The following CPLANE1 variants were observed in gnomAD, a reference collection of about 807,000 sequenced individuals.
The protein encoded by CPLANE1 is ciliogenesis and planar polarity effector complex subunit 1, also known as ciliogenesis and planar polarity effector 1.
CPLANE1 carries 263 observed loss-of-function variants against 362.5 expected under a neutral mutation model. That is an observed-to-expected ratio of 0.73 (90% CI 0.66 to 0.80). The LOEUF (loss-of-function observed/expected upper bound fraction) is 0.80. CPLANE1 is among the 30% of genes least tolerant of loss of function. The pLI is 0.00. For missense variants in CPLANE1, 3,461 were observed against 3,793.4 expected (o/e 0.91, Z 2.30); for synonymous variants, 1,212 against 1,302.6 (o/e 0.93, Z 1.50).
chr5:37,145,451 A>G (rs901965127), intron 43 of CPLANE1, among the ~76,000 whole-genome samples: 103 of 152,224 alleles, frequency 6.8e-4, no homozygotes, highest in African/African-American at 2.4e-3. Context: ...ACGGTGTCTC[A>G]CTATGTTGCT....
intron 43 of CPLANE1, among the ~76,000 whole-genome samples, chr5:37,146,454 G>A (rs1771616363): frequency 6.6e-6 from 1 of 152,198 alleles, no homozygotes; most frequent in Non-Finnish European, 1.5e-5. Context: ...TGGGATTACA[G>A]GTGTGAGCCA....
chr5:37,239,057 T>C (rs1799689435), intron 7 of CPLANE1, 97 bp from the exon 8 acceptor site: 1 of 586,482 alleles, frequency 1.7e-6, no homozygotes, highest in Non-Finnish European at 2.8e-6. Flanking sequence ...ATTATATTAA[T>C]AAACTATCTA....
At chr5:37,087,986 C>A in the CPLANE1 span, among the ~76,000 whole-genome samples, 1 of 152,164 alleles carries the variant, frequency 6.6e-6, no homozygotes, top group African/African-American at 2.4e-5. Flanking sequence ...AGGTGGCCGG[C>A]CAAGACATAA....
rs35522666 is a variant in CPLANE1 at position 37,154,459 on chromosome 5, C to CTTTTTTTT, written c.8120-474_8120-467dup. ...TTCTTCTCCCAAATTTGCAATAGTT[C>CTTTTTTTT]TTTTTTTTTTTTTTTTTTTTTTTTA... On this transcript the variant is annotated intron_variant, in intron 41 of 52. Transcript: ENST00000651892. Among the ~76,000 whole-genome samples the CTTTTTTTT allele has an allele frequency of 8.8e-4, 74 of 84,564 alleles. 5 individuals carry two copies. The highest frequency in any genetic ancestry group is 3.2e-3 in the African/African-American group (56 of 17,636). 55.5% of individuals were successfully genotyped at this position (84,564 alleles called of 152,430 possible).
chr5:37,173,345 C>A (rs192935137), intron 32 of CPLANE1, among the ~76,000 whole-genome samples: 4 of 152,282 alleles, frequency 2.6e-5, no homozygotes, highest in Non-Finnish European at 4.4e-5. Context: ...TTTGATTACT[C>A]CCCACCTCAC....
At chr5:37,152,570 T>C (rs1773872084) in intron 42 of CPLANE1, among the ~76,000 whole-genome samples, 2 of 152,130 alleles carry the variant, frequency 1.3e-5, no homozygotes, top group African/African-American at 2.4e-5. Context: ...TATATAAACA[T>C]TAATTTATTT....
intron 38 of CPLANE1, among the ~76,000 whole-genome samples, 193 bp downstream of exon 38, chr5:37,162,272 T>C (rs894396774): frequency 2.0e-5 from 3 of 152,222 alleles, no homozygotes; most frequent in Non-Finnish European, 4.4e-5. Flanking sequence ...AAGAAAAGTG[T>C]CTATTATGTT....
intron 50 of CPLANE1, among the ~76,000 whole-genome samples, chr5:37,119,973 C>A (rs984024907): frequency 2.0e-5 from 3 of 150,170 alleles, no homozygotes; most frequent in Non-Finnish European, 4.4e-5. Flanking sequence ...GGTGACAGAG[C>A]GAGACTCTGC....
intron 47 of CPLANE1, 76 bp downstream of exon 47, chr5:37,125,168 C>T (rs1331349858): frequency 6.7e-7 from 1 of 1,482,418 alleles, no homozygotes; most frequent in East Asian, 2.3e-5. Flanking sequence ...TTATGTTAAT[C>T]TTTTTCTTAA....
intron 38 of CPLANE1, among the ~76,000 whole-genome samples, chr5:37,160,113 A>C (rs1776438985): frequency 6.6e-6 from 1 of 152,346 alleles, no homozygotes; most frequent in African/African-American, 2.4e-5. Context: ...ATGTAATTTC[A>C]AATTTTATTA....
intron 46 of CPLANE1, chr5:37,138,420 A>C: frequency 2.2e-6 from 1 of 464,368 alleles, no homozygotes; most frequent in Non-Finnish European, 4.1e-6. Context: ...ATGTATTCTA[A>C]GCGTTAATTT....
In CPLANE1 at chr5:37,165,564, T is replaced by A; in HGVS notation, c.7508A>T (p.Asp2503Val). 2 of 1,608,734 alleles carry A rather than the reference T, an allele frequency of 1.2e-6. No individual in the cohort carries two copies. The highest frequency in any genetic ancestry group is 1.7e-6 in the Non-Finnish European group (2 of 1,178,504). The change falls in exon 36 of 53, where the codon GAT (aspartate) becomes GTT (valine). Residue 2503 changes from aspartate (D) to valine (V), a missense_variant. Around this residue, in one of 2 missense-constraint regions of CPLANE1, gnomAD observed 3,380 missense variants for 3,666.1 expected, o/e 0.92. Transcript: ENST00000651892. ...RPENSIINND[D>V]SEIIKKPKEQ... The stretch of plus-strand genomic sequence containing the variant: ...CTTGGGTTTCTTAATGATTTCTGAA[T>A]CATCATTATTAATTATGGAATTCTC...
chr5:37,247,648 T>C lies in CPLANE1; in HGVS notation c.51A>G (p.Lys17=). The part of the protein sequence containing the change: ...ILTSTGIKQK[K]PWPRVSWLGK... ...CCAACCAGGAGACACGTGGCCATGGTTTTTTCTGCTTAATACCTGTTGATG... is the reference window on the plus strand; with the variant it reads ...CCAACCAGGAGACACGTGGCCATGGCTTTTTCTGCTTAATACCTGTTGATG... The change falls in exon 2 of 53, where the codon AAA becomes AAG. Residue 17 remains lysine, a synonymous_variant. Transcript: ENST00000651892. 6.4e-7 allele frequency: 1 copy of C among 1,551,350 alleles called. No homozygotes were observed. The highest frequency in any genetic ancestry group is 8.7e-7 in the Non-Finnish European group (1 of 1,146,584).
Position 37,154,459 on chromosome 5 carries a change from C to CTTTTTTTTT in CPLANE1, c.8120-475_8120-467dup, listed in dbSNP as rs35522666. On this transcript the variant is annotated intron_variant, in intron 41 of 52. Coordinates refer to ENST00000651892, the MANE Select transcript of CPLANE1 (RefSeq NM_001384732.1). The stretch of plus-strand genomic sequence containing the variant: ...TTCTTCTCCCAAATTTGCAATAGTT[C>CTTTTTTTTT]TTTTTTTTTTTTTTTTTTTTTTTTA... Among the ~76,000 whole-genome samples, 655 of 84,532 alleles carry CTTTTTTTTT rather than the reference C, an allele frequency of 7.7e-3. 99 individuals are homozygous for CTTTTTTTTT. Among genetic ancestry groups the CTTTTTTTTT allele is most frequent in the African/African-American group, 0.035 (610 of 17,606 alleles). 55.5% of individuals were successfully genotyped at this position (84,532 alleles called of 152,430 possible).
intron 46 of CPLANE1, among the ~76,000 whole-genome samples, chr5:37,136,203 A>G (rs1167825776): frequency 6.6e-6 from 1 of 152,252 alleles, no homozygotes; most frequent in African/African-American, 2.4e-5. Flanking sequence ...CAATGGAGGT[A>G]CAGGCATTGG....
At position 37,224,669 on chromosome 5, in the gene CPLANE1, G is replaced by A. The variant is rs1427088812; in HGVS notation, c.2363C>T (p.Pro788Leu). 1 of 1,551,496 alleles carries A rather than the reference G, an allele frequency of 6.4e-7. No individual in the cohort carries two copies. The highest frequency in any genetic ancestry group is 1.2e-5 in the South Asian group (1 of 84,054). Residue 788 changes from proline to leucine, a missense_variant, in exon 13 of 53, where the codon CCT (proline) becomes CTT (leucine). Physicochemically the swap from Pro to Leu is moderately conservative, Grantham distance 98. This residue lies in a region of CPLANE1 where 3,380 missense variants were observed against 3,666.1 expected (regional missense o/e 0.92). Coordinates refer to ENST00000651892, the MANE Select transcript of CPLANE1 (RefSeq NM_001384732.1). ...WYQAQLNRRV[P>L]EADSQLTEKM... ...TTCAGTTAACTGACTATCAGCTTCA[G>A]GAACTCTTCGATTTAATTGTGCTTG...
intron 50 of CPLANE1, 68 bp downstream of exon 50, chr5:37,120,148 A>T (rs1017097064): frequency 7.0e-5 from 105 of 1,499,812 alleles, no homozygotes; most frequent in Non-Finnish European, 8.5e-5. Context: ...ACTAATGAAA[A>T]CACAACTTTG....
At chr5:37,147,971 C>CAAAAAAAAAAAAA (rs11284644) in intron 43 of CPLANE1, among the ~76,000 whole-genome samples, 1 of 15,316 alleles carries the variant, frequency 6.5e-5, no homozygotes, top group African/African-American at 1.3e-4. Context: ...ACTGCCTTCT[C>CAAAAAAAAAAAAA]AAAAAAAAAA....
At chr5:37,247,768 A>G in intron 1 of CPLANE1, 23 bp from the exon 2 acceptor site, 5 of 1,453,666 alleles carry the variant, frequency 3.4e-6, no homozygotes, top group Non-Finnish European at 4.6e-6. Context: ...ATAGTAATAA[A>G]ATATAAATGA....
Sources: gnomAD v4.1 joint callset for allele counts (sites outside exome capture counted in the v4.1 genomes callset) on GRCh38, gnomAD v4.1.1 for gene constraint, gnomAD v4.1.1 regional missense constraint, MANE v1.5 for transcripts, NCBI Gene and HGNC (gene_info 2026-07-23, HGNC 2026-07-21) for gene names.